The following TMEM132D variants were observed in gnomAD, a reference collection of about 807,000 sequenced individuals.
TMEM132D encodes the protein transmembrane protein 132D, also known as mature OL transmembrane protein.
A neutral mutation model predicts 62.3 loss-of-function variants in TMEM132D; 21 were observed. The observed-to-expected ratio is 0.34, with a 90% CI of 0.24 to 0.49. TMEM132D has a LOEUF of 0.49. Among genes scored for constraint, TMEM132D ranks in the 20% least tolerant of loss-of-function variants. The pLI is 0.99. For missense variants in TMEM132D, 1,346 were observed against 1,402.8 expected (o/e 0.96, Z 0.65); for synonymous variants, 621 against 575.6 (o/e 1.08, Z -1.13).
rs1157122445 is a variant in TMEM132D at position 129,416,584 on chromosome 12, A to G, written c.1116-78767T>C. ...GACTGCCCTGGCCAGCACTTCCAATACTATGTTGAGTAGAAGTAGTTAGAG... is the reference window on the plus strand; with the variant it reads ...GACTGCCCTGGCCAGCACTTCCAATGCTATGTTGAGTAGAAGTAGTTAGAG... On this transcript the variant is annotated intron_variant, in intron 3 of 8. Transcript: ENST00000422113. Among the ~76,000 whole-genome samples the G allele has an allele frequency of 2.6e-5, 4 of 152,102 alleles. 1 individual carries two copies. Among genetic ancestry groups the G allele is most frequent in the African/African-American group, 4.8e-5 (2 of 41,418 alleles).
intron 3 of TMEM132D, among the ~76,000 whole-genome samples, chr12:129,479,037 G>A (rs886725416): frequency 6.6e-6 from 1 of 152,188 alleles, no homozygotes; most frequent in African/African-American, 2.4e-5. Context: ...TGGACTTCTA[G>A]TGCATGATTT....
chr12:129,430,826 AG>A (rs1387149502), intron 3 of TMEM132D, among the ~76,000 whole-genome samples: 1 of 152,184 alleles, frequency 6.6e-6, no homozygotes, highest in East Asian at 1.9e-4. Flanking sequence ...AGAAAGAAAA[AG>A]GTGTTCTTTT....
intron 2 of TMEM132D, among the ~76,000 whole-genome samples, chr12:129,542,214 G>C (rs1355206862): frequency 6.6e-6 from 1 of 152,176 alleles, no homozygotes; most frequent in Non-Finnish European, 1.5e-5. Context: ...AGGGGGCTGA[G>C]ATGTGCCTAG....
chr12:129,844,303 G>A (rs1442990283), intron 1 of TMEM132D, among the ~76,000 whole-genome samples: 1 of 152,068 alleles, frequency 6.6e-6, no homozygotes, highest in Middle Eastern at 3.2e-3. Flanking sequence ...AGGAGAGAGA[G>A]CTTGCATGAG....
At chr12:129,629,900 A>T (rs970320666) in intron 2 of TMEM132D, among the ~76,000 whole-genome samples, 7 of 152,174 alleles carry the variant, frequency 4.6e-5, no homozygotes, top group African/African-American at 1.7e-4. Flanking sequence ...TCAAATGTGG[A>T]TCTGGTAAAA....
intron 2 of TMEM132D, among the ~76,000 whole-genome samples, chr12:129,684,260 G>T (rs1216723917): frequency 6.6e-6 from 1 of 152,080 alleles, no homozygotes; most frequent in Admixed American, 6.5e-5. Flanking sequence ...TGAATCGTGG[G>T]GGTAGTTACT....
chr12:129,079,919 T>C (rs972850695), intron 7 of TMEM132D, among the ~76,000 whole-genome samples: 2 of 152,200 alleles, frequency 1.3e-5, no homozygotes, highest in African/African-American at 2.4e-5. Flanking sequence ...GCTGGCCCAC[T>C]TCCTCTTCCC....
intron 5 of TMEM132D, among the ~76,000 whole-genome samples, chr12:129,172,382 A>G (rs936698618): frequency 1.4e-4 from 22 of 152,258 alleles, no homozygotes; most frequent in African/African-American, 4.6e-4. Context: ...TCACTGAAGT[A>G]GCATTTTTAA....
intron 1 of TMEM132D, among the ~76,000 whole-genome samples, chr12:129,818,337 C>G (rs62646977): frequency 1 from 147,666 of 148,150 alleles, 73,591 homozygotes; most frequent in Middle Eastern, 1. Flanking sequence ...CTATGTGTAT[C>G]TGCTTTGGGG....
chr12:129,773,228 T>A (rs890426245), intron 1 of TMEM132D, among the ~76,000 whole-genome samples: 1 of 152,224 alleles, frequency 6.6e-6, no homozygotes, highest in Non-Finnish European at 1.5e-5. Flanking sequence ...GTGCGCCTCC[T>A]GTATGCTATG....
chr12:129,340,540 G>A (rs932580749), intron 3 of TMEM132D, among the ~76,000 whole-genome samples: 3 of 147,610 alleles, frequency 2.0e-5, no homozygotes, highest in Non-Finnish European at 3.0e-5. Flanking sequence ...TCCCACCTAT[G>A]AGTGAGAACA....
At chr12:129,144,287 A>G (rs988407862) in intron 5 of TMEM132D, among the ~76,000 whole-genome samples, 1 of 152,150 alleles carries the variant, frequency 6.6e-6, no homozygotes, top group African/African-American at 2.4e-5. Flanking sequence ...CCAATAAATC[A>G]TGTCTCCCAG....
chr12:129,073,744 T>A lies in TMEM132D; in HGVS notation c.*131A>T. 1 of 828,036 alleles carries A rather than the reference T, an allele frequency of 1.2e-6. No individual in the cohort carries two copies. Among genetic ancestry groups the A allele is most frequent in the Non-Finnish European group, 1.9e-6 (1 of 538,682 alleles). The allele number at this position is 828,036 out of a possible 1,614,324, so 51.3% of individuals were successfully genotyped here. On this transcript the variant is annotated 3_prime_UTR_variant, in exon 9 of 9. Transcript: ENST00000422113. ...TCGCCGCCGAGCCGGGGTCATTGGC[T>A]GAGGCTGTATGGATAGTGTCATCCT...
chr12:129,279,036 A>ATAT (rs1881070195), intron 4 of TMEM132D, among the ~76,000 whole-genome samples: 1 of 152,194 alleles, frequency 6.6e-6, no homozygotes. Flanking sequence ...CTAGTTTTAT[A>ATAT]AGAGAACTCA....
chr12:129,517,876 C>T (rs775396709), intron 3 of TMEM132D, among the ~76,000 whole-genome samples: 16 of 152,134 alleles, frequency 1.1e-4, no homozygotes, highest in East Asian at 7.7e-4. Flanking sequence ...AAAGAAAATT[C>T]GACTTCTAAT....
intron 1 of TMEM132D, among the ~76,000 whole-genome samples, chr12:129,832,482 C>T (rs1213955378): frequency 6.6e-6 from 1 of 152,160 alleles, no homozygotes; most frequent in Non-Finnish European, 1.5e-5. Context: ...AGACCCTGCA[C>T]TAAACCATGG....
intron 3 of TMEM132D, among the ~76,000 whole-genome samples, chr12:129,516,744 T>C (rs1875695408): frequency 6.6e-6 from 1 of 152,238 alleles, no homozygotes; most frequent in South Asian, 2.1e-4. Flanking sequence ...TGATGGCTAC[T>C]GTAACAAATG....
At chr12:129,363,053 A>C (rs950209376) in intron 3 of TMEM132D, among the ~76,000 whole-genome samples, 1 of 152,166 alleles carries the variant, frequency 6.6e-6, no homozygotes, top group East Asian at 1.9e-4. Flanking sequence ...TCCTTCCTCC[A>C]TCTTTGTTTA....
intron 3 of TMEM132D, among the ~76,000 whole-genome samples, chr12:129,428,570 T>A (rs1872563241): frequency 6.6e-6 from 1 of 152,244 alleles, no homozygotes; most frequent in South Asian, 2.1e-4. Flanking sequence ...TTTATTTGTT[T>A]ATTTGTAGCC....
Sources: gnomAD v4.1 joint callset for allele counts (sites outside exome capture counted in the v4.1 genomes callset) on GRCh38, gnomAD v4.1.1 for gene constraint, MANE v1.5 for transcripts, NCBI Gene and HGNC (gene_info 2026-07-23, HGNC 2026-07-21) for gene names.